Variants in AMDHD2 observed in about 807,000 individuals in gnomAD.
AMDHD2 encodes N-acetylglucosamine-6-phosphate deacetylase.
Under a neutral mutation model 41.8 loss-of-function variants are expected in AMDHD2, and 24 were observed. The ratio of observed to expected loss-of-function variants is 0.57; its 90% CI spans 0.42 to 0.81. The LOEUF (loss-of-function observed/expected upper bound fraction) is 0.81, where lower values mean the gene tolerates loss of function less well. AMDHD2 is among the 30% of genes least tolerant of loss of function. The pLI is 0.00. For missense variants in AMDHD2, 540 were observed against 588.5 expected, an observed-to-expected ratio of 0.92 and a Z score of 0.85; for synonymous variants, 332 against 255.5, an observed-to-expected ratio of 1.30 and a Z score of -2.85.
intron 3 of AMDHD2, among the ~76,000 whole-genome samples, chr16:2,522,027 G>A (rs563526593): frequency 1.2e-4 from 18 of 151,860 alleles, no homozygotes; most frequent in South Asian, 6.2e-4. Flanking sequence ...CTCGTGATCC[G>A]CCCGCCTTGG....
intron 3 of AMDHD2, among the ~76,000 whole-genome samples, chr16:2,525,048 C>T (rs1261722574): frequency 6.6e-6 from 1 of 151,578 alleles, no homozygotes; most frequent in Non-Finnish European, 1.5e-5. Flanking sequence ...TCACTCTTCT[C>T]TCTGGCCACT....
intron 3 of AMDHD2, among the ~76,000 whole-genome samples, chr16:2,522,378 C>T (rs185093194): frequency 2.6e-5 from 4 of 152,218 alleles, no homozygotes; most frequent in East Asian, 3.9e-4. Context: ...CCACCACACC[C>T]GACTAATTTA....
In AMDHD2 at chr16:2,525,288, C is replaced by A. The variant is rs536213810; in HGVS notation, c.361-2273C>A. 8.0e-4 allele frequency among the ~76,000 whole-genome samples: 122 copies of A among 151,664 alleles called. 2 individuals are homozygous for A. In the South Asian group the frequency reaches 0.015, roughly 19 times the overall value. ...GGCAAGGCTGGTCTCGAACTCCTGA[C>A]CTCAGGTGATCCAACTGCCTTGGCC... On this transcript the variant is annotated intron_variant, in intron 3 of 10. Transcript: ENST00000293971.
Position 2,530,763 on chromosome 16 carries a change from A to AG in AMDHD2, c.*1203dup. ...GCCTGGGCAGGGCCTCGCCTGAGGG[A>AG]GGGCCTGGGGCAGGGCACAAGGGGT... On this transcript the variant is annotated 3_prime_UTR_variant, in exon 11 of 11. Coordinates refer to ENST00000293971, the MANE Select transcript of AMDHD2 (RefSeq NM_001330449.2). 1.2e-6 allele frequency: 2 copies of AG among 1,613,448 alleles called. No individual in the cohort carries two copies. Among genetic ancestry groups the AG allele is most frequent in the Non-Finnish European group, 1.7e-6 (2 of 1,179,784 alleles).
rs1253825023 is a variant in AMDHD2, at chr16:2,531,405, GTAAC to G, written c.*1845_*1848del. ...AATTGTGGTAAAATACATAACAAAA[GTAAC>G]TATCGTAACCTGAGCAGTTCTGTGA... is the stretch of plus-strand genomic sequence containing the variant. On this transcript the variant is annotated 3_prime_UTR_variant, in exon 11 of 11. Transcript: ENST00000293971. 1.2e-5 allele frequency: 6 copies of G among 505,524 alleles called. No homozygotes were observed. The highest frequency in any genetic ancestry group is 5.7e-5 in the African/African-American group (3 of 52,562). The allele number at this position is 505,524 out of a possible 1,614,324, so 31.3% of individuals were successfully genotyped here. A position where few individuals can be genotyped will look rare whatever the true frequency, so the allele number is the denominator to read the frequency against.
intron 3 of AMDHD2, among the ~76,000 whole-genome samples, chr16:2,522,723 C>T (rs186027458): frequency 1.6e-4 from 25 of 152,160 alleles, no homozygotes; most frequent in Admixed American, 3.9e-4. Context: ...TTATGTTGAT[C>T]AGGCTGGTCT....
In AMDHD2 at chr16:2,531,045, T is replaced by A; in HGVS notation, c.*1482T>A. 1 of 1,597,836 alleles carries A rather than the reference T, an allele frequency of 6.3e-7. No individual in the cohort carries two copies. Among genetic ancestry groups the A allele is most frequent in the Non-Finnish European group, 8.6e-7 (1 of 1,167,902 alleles). On this transcript the variant is annotated 3_prime_UTR_variant, in exon 11 of 11. Coordinates refer to ENST00000293971, the MANE Select transcript of AMDHD2 (RefSeq NM_001330449.2). ...GGTTGAGCATCGCCTGTGCCCAGCT[T>A]GCTGGCTGTCAGTGCTTGATGTGCC...
At chr16:2,521,949 T>C (rs1284396838) in intron 3 of AMDHD2, among the ~76,000 whole-genome samples, 1 of 151,742 alleles carries the variant, frequency 6.6e-6, no homozygotes, top group East Asian at 1.9e-4. Context: ...CTCGCCCGGC[T>C]AATTTTTTGT....
Position 2,528,296 on chromosome 16 carries a change from C to G in AMDHD2, c.778C>G (p.Arg260Gly). 1.2e-6 allele frequency: 2 copies of G among 1,612,608 alleles called. No individual in the cohort carries two copies. Among genetic ancestry groups the G allele is most frequent in the Non-Finnish European group, 1.7e-6 (2 of 1,179,920 alleles). ...LLTSDRLPAGRCIFYGMIADG... is the reference protein window; with the variant it reads ...LLTSDRLPAGGCIFYGMIADG... ...GACCAGCGACCGGCTGCCCGCAGGC[C>G]GCTGCATCTTCTATGGGATGATTGC... The change falls in exon 7 of 11, where the codon CGC becomes GGC. Residue 260 changes from arginine (R) to glycine (G), a missense_variant. Coordinates refer to ENST00000293971, the MANE Select transcript of AMDHD2 (RefSeq NM_001330449.2).
Position 2,527,942 on chromosome 16 carries a change from A to G in AMDHD2, c.585A>G (p.Glu195=). The G allele has an allele frequency of 6.2e-7, 1 of 1,600,586 alleles. No homozygotes were observed. The highest frequency in any genetic ancestry group is 1.7e-4 in the Middle Eastern group (1 of 6,054). The part of the protein sequence containing the change: ...TLAPELGRSH[E]VIRALTARGI... ...CCCCAGAGTTGGGCCGTAGCCACGA[A>G]GTGATCCGGGCGCTGACGGCCCGTG... Residue 195 remains glutamate, a synonymous_variant, in exon 5 of 11, where the codon GAA becomes GAG. Transcript: ENST00000293971. This position sits in a 1 kb window ranked among gnomAD's most constrained non-coding sequence, Gnocchi z 6.1.
At position 2,530,205 on chromosome 16, in the gene AMDHD2, C is replaced by A. The variant is rs537997876; in HGVS notation, c.*642C>A. On this transcript the variant is annotated 3_prime_UTR_variant, in exon 11 of 11. Coordinates refer to ENST00000293971, the MANE Select transcript of AMDHD2 (RefSeq NM_001330449.2). ...GCCTAGCCCTGAGTGCCACGGATGA[C>A]CAGCGTTCTGTTTTCTCTTCTCAAT... The A allele has an allele frequency of 1.7e-4, 258 of 1,515,248 alleles. No homozygotes were observed. The highest frequency in any genetic ancestry group is 1.6e-4 in the Non-Finnish European group (179 of 1,131,488). 93.9% of individuals were successfully genotyped at this position (1,515,248 alleles called of 1,614,324 possible).
At chr16:2,523,929 C>T (rs911583358) in intron 3 of AMDHD2, among the ~76,000 whole-genome samples, 2 of 152,254 alleles carry the variant, frequency 1.3e-5, no homozygotes, top group Non-Finnish European at 2.9e-5. Context: ...ACTGCCTGCG[C>T]ATCTCTGGCC....
chr16:2,529,291 AG>A, intron 10 of AMDHD2, 183 bp from the exon 11 acceptor site: 1 of 1,105,192 alleles, frequency 9.0e-7, no homozygotes, highest in Non-Finnish European at 1.3e-6. Context: ...AGACAAGGCC[AG>A]GCAAGGGGTT....
rs914486665 is a variant in AMDHD2, at chr16:2,531,138, A to G, written c.*1575A>G. 1.3e-6 allele frequency: 2 copies of G among 1,515,928 alleles called. No individual in the cohort carries two copies. The highest frequency in any genetic ancestry group is 8.9e-7 in the Non-Finnish European group (1 of 1,121,286). 93.9% of individuals were successfully genotyped at this position (1,515,928 alleles called of 1,614,324 possible). ...ACCTCAGACGGGACGCCCAGTCCAG[A>G]GCTGGTGAGCCCTGGGCCAGCCTTT... is the stretch of plus-strand genomic sequence containing the variant. On this transcript the variant is annotated 3_prime_UTR_variant, in exon 11 of 11. Coordinates refer to ENST00000293971, the MANE Select transcript of AMDHD2 (RefSeq NM_001330449.2).
Position 2,530,291 on chromosome 16 carries a change from G to C in AMDHD2, c.*728G>C. The C allele has an allele frequency of 1.9e-6, 3 of 1,613,740 alleles. No homozygotes were observed. Among genetic ancestry groups the C allele is most frequent in the Non-Finnish European group, 2.5e-6 (3 of 1,179,914 alleles). Reference sequence around the variant, plus strand: ...TTGCCGGCTGTGGTGACCCTGCCTGGTGCTGGAGGGCAGTATGGGAGGCAC... The same window carrying C: ...TTGCCGGCTGTGGTGACCCTGCCTGCTGCTGGAGGGCAGTATGGGAGGCAC... On this transcript the variant is annotated 3_prime_UTR_variant, in exon 11 of 11. Transcript: ENST00000293971.
In AMDHD2 at chr16:2,529,757, G is replaced by C; in HGVS notation, c.*194G>C. 6.9e-7 allele frequency: 1 copy of C among 1,439,376 alleles called. No homozygotes were observed. The highest frequency in any genetic ancestry group is 1.5e-5 in the South Asian group (1 of 68,610). The allele number at this position is 1,439,376 out of a possible 1,614,324, so 89.2% of individuals were successfully genotyped here. On this transcript the variant is annotated 3_prime_UTR_variant, in exon 11 of 11. Transcript: ENST00000293971. ...CTCGCCTTGGCTCCGGGTTTTGCTTGTGCTCACATGTGGCACCATCCTTGG... is the reference window on the plus strand; with the variant it reads ...CTCGCCTTGGCTCCGGGTTTTGCTTCTGCTCACATGTGGCACCATCCTTGG...
rs771821292 is a variant in AMDHD2, at chr16:2,527,657, C to G, written c.415+42C>G. ...CTCCCCGCCCCCACCCTGGGAGGCT[C>G]CTGCGGGACCTGTTGGCAGCCCCCA... On this transcript the variant is annotated intron_variant, in intron 4 of 10. Transcript: ENST00000293971. The surrounding 1 kb of genome is among the most constrained non-coding windows in gnomAD (Gnocchi z 6.1). 7.6e-6 allele frequency: 12 copies of G among 1,586,844 alleles called. No homozygotes were observed. Among genetic ancestry groups the G allele is most frequent in the African/African-American group, 1.3e-5 (1 of 74,432 alleles).
At chr16:2,524,818 G>T (rs985862691) in intron 3 of AMDHD2, among the ~76,000 whole-genome samples, 1 of 152,042 alleles carries the variant, frequency 6.6e-6, no homozygotes, top group Non-Finnish European at 1.5e-5. Context: ...CAGTGCTCTC[G>T]TGGCTCCGTG....
Position 2,531,119 on chromosome 16 carries a change from G to C in AMDHD2, c.*1556G>C, listed in dbSNP as rs750169543. ...TGGCATGTTGGTCATCCCCACCTCA[G>C]ACGGGACGCCCAGTCCAGAGCTGGT... is the stretch of plus-strand genomic sequence containing the variant. On this transcript the variant is annotated 3_prime_UTR_variant, in exon 11 of 11. Coordinates refer to ENST00000293971, the MANE Select transcript of AMDHD2 (RefSeq NM_001330449.2). The C allele has an allele frequency of 1.3e-6, 2 of 1,537,196 alleles. No individual in the cohort carries two copies. The highest frequency in any genetic ancestry group is 2.5e-5 in the South Asian group (2 of 81,292).
Sources: allele counts gnomAD v4.1 joint callset (sites outside exome capture counted in the v4.1 genomes callset), GRCh38; gene constraint gnomAD v4.1.1; non-coding constraint Gnocchi (gnomAD v3.1); transcripts MANE v1.5; gene names NCBI Gene and HGNC (gene_info 2026-07-23, HGNC 2026-07-21).